The following FOXJ3 variants were observed in gnomAD, a reference collection of about 807,000 sequenced individuals.
The protein encoded by FOXJ3 is forkhead box protein J3.
FOXJ3 carries 22 observed loss-of-function variants against 76.1 expected under a neutral mutation model. The observed-to-expected ratio is 0.29, with a 90% CI of 0.21 to 0.41. The LOEUF (loss-of-function observed/expected upper bound fraction) is 0.41. FOXJ3 is among the 10% of genes least tolerant of loss of function. FOXJ3 has a pLI of 1.00. For synonymous variants in FOXJ3, 269 were observed against 261.2 expected, an observed-to-expected ratio of 1.03 and a Z score of -0.29; for missense variants, 613 against 762.1, an observed-to-expected ratio of 0.80 and a Z score of 2.30.
At chr1:42,249,675 A>T (rs1649857489) in intron 4 of FOXJ3, among the ~76,000 whole-genome samples, 1 of 152,244 alleles carries the variant, frequency 6.6e-6, no homozygotes, top group Non-Finnish European at 1.5e-5. Context: ...AACATTTATT[A>T]GGCATCTACT....
intron 3 of FOXJ3, among the ~76,000 whole-genome samples, chr1:42,268,003 A>C (rs899783475): frequency 6.6e-6 from 1 of 152,078 alleles, no homozygotes; most frequent in Non-Finnish European, 1.5e-5. Flanking sequence ...AAATGCAATT[A>C]AAGTCCCAGA....
Position 42,266,889 on chromosome 1 carries a change from G to C in FOXJ3, c.370-1700C>G, listed in dbSNP as rs113823709. Among the ~76,000 whole-genome samples the C allele has an allele frequency of 1.2e-4, 18 of 152,172 alleles. 1 individual carries two copies. The highest frequency in any genetic ancestry group is 3.9e-4 in the African/African-American group (16 of 41,516). ...GGGGGAAGAATGGAAACAAAACCCTGGTGCCTCTAGGAAGGGATAGGAAAC... is the reference window on the plus strand; with the variant it reads ...GGGGGAAGAATGGAAACAAAACCCTCGTGCCTCTAGGAAGGGATAGGAAAC... On this transcript the variant is annotated intron_variant, in intron 3 of 12. Coordinates refer to ENST00000361346, the MANE Select transcript of FOXJ3 (RefSeq NM_014947.5).
chr1:42,263,919 G>A (rs1651257791), intron 4 of FOXJ3, among the ~76,000 whole-genome samples: 1 of 139,228 alleles, frequency 7.2e-6, no homozygotes, highest in Non-Finnish European at 1.5e-5. Flanking sequence ...GAGACCATAT[G>A]AGTAGGTTAA....
At chr1:42,323,245 T>A (rs892130203) in intron 1 of FOXJ3, among the ~76,000 whole-genome samples, 55 of 152,250 alleles carry the variant, frequency 3.6e-4, no homozygotes, top group African/African-American at 1.3e-3. Context: ...AGATAAACAC[T>A]TTTTTTCTCT....
intron 4 of FOXJ3, among the ~76,000 whole-genome samples, chr1:42,256,198 G>A (rs1035210690): frequency 4.6e-5 from 7 of 152,028 alleles, no homozygotes; most frequent in African/African-American, 1.7e-4. Context: ...GCATACACAA[G>A]TCACTTACCA....
At chr1:42,282,336 A>G (rs1300321949) in intron 2 of FOXJ3, among the ~76,000 whole-genome samples, 1 of 152,124 alleles carries the variant, frequency 6.6e-6, no homozygotes, top group Non-Finnish European at 1.5e-5. Context: ...AGAGAAACCT[A>G]TCAACACTGC....
intron 2 of FOXJ3, among the ~76,000 whole-genome samples, chr1:42,293,581 A>T (rs542524085): frequency 2.0e-5 from 3 of 152,316 alleles, no homozygotes; most frequent in African/African-American, 7.2e-5. Flanking sequence ...GCAAAAAAAA[A>T]TTTGTGCTGC....
chr1:42,182,762 T>G (rs1347422196), intron 11 of FOXJ3, among the ~76,000 whole-genome samples: 2 of 152,082 alleles, frequency 1.3e-5, no homozygotes, highest in Non-Finnish European at 2.9e-5. Context: ...CCTCCCAAAG[T>G]GCTGGGATTA....
At chr1:42,186,341 A>G (rs1474026183) in intron 11 of FOXJ3, among the ~76,000 whole-genome samples, 1 of 152,124 alleles carries the variant, frequency 6.6e-6, no homozygotes, top group African/African-American at 2.4e-5. Flanking sequence ...TCAGAGGCCA[A>G]AACAGCTTGG....
chr1:42,330,150 G>C (rs2124796197), intron 1 of FOXJ3, among the ~76,000 whole-genome samples: 1 of 152,268 alleles, frequency 6.6e-6, no homozygotes, highest in South Asian at 2.1e-4. Context: ...TATGGATAAT[G>C]AATGTAGAGT....
At chr1:42,267,155 G>A (rs1168181656) in intron 3 of FOXJ3, among the ~76,000 whole-genome samples, 1 of 152,068 alleles carries the variant, frequency 6.6e-6, no homozygotes, top group Non-Finnish European at 1.5e-5. Context: ...AAGTTCGAGG[G>A]TCTGCATAAG....
At chr1:42,234,470 G>C (rs934683367) in intron 4 of FOXJ3, among the ~76,000 whole-genome samples, 3 of 152,134 alleles carry the variant, frequency 2.0e-5, no homozygotes, top group Admixed American at 2.0e-4. Context: ...GAGGAGGAGA[G>C]GCGCTCTGAT....
chr1:42,322,675 C>A (rs1315118196), intron 1 of FOXJ3, among the ~76,000 whole-genome samples: 2 of 151,998 alleles, frequency 1.3e-5, no homozygotes, highest in Non-Finnish European at 2.9e-5. Flanking sequence ...TCTGAGAAAA[C>A]AGCCTAGACT....
At chr1:42,265,067 C>T in intron 4 of FOXJ3, 48 bp downstream of exon 4, 2 of 1,128,874 alleles carry the variant, frequency 1.8e-6, no homozygotes, top group Non-Finnish European at 2.7e-6. Flanking sequence ...TCAAACATGA[C>T]AAGTGACATA....
intron 5 of FOXJ3, among the ~76,000 whole-genome samples, chr1:42,220,649 G>C (rs900747250): frequency 2.0e-5 from 3 of 152,162 alleles, no homozygotes; most frequent in Admixed American, 1.3e-4. Flanking sequence ...AGGAAGAACC[G>C]ATGGATAAAC....
chr1:42,311,370 A>C (rs1114035), intron 1 of FOXJ3, among the ~76,000 whole-genome samples: 1 of 152,294 alleles, frequency 6.6e-6, no homozygotes, highest in Non-Finnish European at 1.5e-5. Context: ...AAATAGATAC[A>C]CTATAACTGT....
chr1:42,316,331 G>A (rs1221090913), intron 1 of FOXJ3, among the ~76,000 whole-genome samples: 2 of 29,260 alleles, frequency 6.8e-5, no homozygotes, highest in South Asian at 1.8e-3. Flanking sequence ...ACTGCATTGG[G>A]CCTTTTTTTT....
At chr1:42,295,137 G>C (rs1392168064) in intron 2 of FOXJ3, among the ~76,000 whole-genome samples, 1 of 152,090 alleles carries the variant, frequency 6.6e-6, no homozygotes, top group Non-Finnish European at 1.5e-5. Context: ...GGTGGAGACT[G>C]GGCTTCTAGT....
At chr1:42,212,892 G>C (rs1646989961) in intron 5 of FOXJ3, among the ~76,000 whole-genome samples, 1 of 146,142 alleles carries the variant, frequency 6.8e-6, no homozygotes, top group Non-Finnish European at 1.5e-5. Context: ...TTACAAGCCA[G>C]AGGGCTTGCG....
Sources: allele counts gnomAD v4.1 joint callset (sites outside exome capture counted in the v4.1 genomes callset), GRCh38; gene constraint gnomAD v4.1.1; transcripts MANE v1.5; gene names NCBI Gene and HGNC (gene_info 2026-07-23, HGNC 2026-07-21).